PRKG1: variants seen among roughly 807,000 people sequenced by gnomAD.
PRKG1 encodes protein kinase cGMP-dependent 1.
In PRKG1, 35 loss-of-function variants were observed where a neutral mutation model predicts 88.1. The ratio of observed to expected loss-of-function variants is 0.40; its 90% CI spans 0.30 to 0.53. The LOEUF (loss-of-function observed/expected upper bound fraction) is 0.53, where lower values mean the gene tolerates loss of function less well. Ranked by LOEUF, PRKG1 falls within the 20% of genes least tolerant of loss-of-function variation. The pLI is 0.59. For missense variants in PRKG1, 540 were observed against 839.8 expected, an observed-to-expected ratio of 0.64 and a Z score of 4.41; for synonymous variants, 303 against 292.5, an observed-to-expected ratio of 1.04 and a Z score of -0.37.
chr10:51,896,060 G>A (rs1229873767), intron 4 of PRKG1, among the ~76,000 whole-genome samples: 2 of 152,076 alleles, frequency 1.3e-5, no homozygotes, highest in East Asian at 3.9e-4. Flanking sequence ...AGGACCTTGA[G>A]GAAGAGTTAA....
intron 3 of PRKG1, among the ~76,000 whole-genome samples, chr10:51,651,027 C>A (rs1304819944): frequency 6.6e-6 from 1 of 152,182 alleles, no homozygotes; most frequent in Non-Finnish European, 1.5e-5. Context: ...CAGGCTGGAG[C>A]AAGAGATGTT....
chr10:51,129,370 G>A (rs778604558), intron 1 of PRKG1, among the ~76,000 whole-genome samples: 2 of 151,944 alleles, frequency 1.3e-5, no homozygotes, highest in Non-Finnish European at 2.9e-5. Context: ...GCTTGAACCC[G>A]AGAGGCGGGG....
intron 2 of PRKG1, among the ~76,000 whole-genome samples, chr10:51,269,218 ATAT>A (rs1397920956): frequency 1.3e-5 from 2 of 152,216 alleles, no homozygotes; most frequent in African/African-American, 4.8e-5. Context: ...AAAATTAAAA[ATAT>A]TATTAAATGT....
At position 51,464,283 on chromosome 10, in the gene PRKG1, C is replaced by CA. The variant is rs533694048; in HGVS notation, c.479-3430dup. ...AGCCTGGCTGAGCGAGACTCCATCT[C>CA]AAAAAAAAAAGCAGTGCTTTTTGGA... On this transcript the variant is annotated intron_variant, in intron 2 of 17. Transcript: ENST00000373980. Among the ~76,000 whole-genome samples, 1,114 of 142,644 alleles carry CA rather than the reference C, an allele frequency of 7.8e-3. 12 individuals carry two copies. The highest frequency in any genetic ancestry group is 0.022 in the African/African-American group (851 of 39,020). 93.6% of individuals were successfully genotyped at this position (142,644 alleles called of 152,430 possible).
chr10:52,070,092 G>T (rs887470885), intron 7 of PRKG1, among the ~76,000 whole-genome samples: 4 of 151,792 alleles, frequency 2.6e-5, no homozygotes, highest in Non-Finnish European at 2.9e-5. Flanking sequence ...TTTTCTACTG[G>T]TCCCCAAATA....
intron 3 of PRKG1, among the ~76,000 whole-genome samples, chr10:51,615,903 G>A (rs1839040130): frequency 6.6e-6 from 1 of 151,868 alleles, no homozygotes; most frequent in Non-Finnish European, 1.5e-5. Flanking sequence ...TTTTCCCTGT[G>A]TTCTGACCTT....
intron 3 of PRKG1, among the ~76,000 whole-genome samples, chr10:51,646,820 T>C (rs1005903514): frequency 6.6e-6 from 1 of 152,058 alleles, no homozygotes; most frequent in Non-Finnish European, 1.5e-5. Context: ...TAATGAAAGA[T>C]GGACAAAATA....
chr10:51,879,842 T>C (rs1341722811), intron 4 of PRKG1, among the ~76,000 whole-genome samples: 2 of 152,206 alleles, frequency 1.3e-5, no homozygotes, highest in East Asian at 3.8e-4. Flanking sequence ...CCGATTGATG[T>C]TACTCAGTGG....
intron 7 of PRKG1, among the ~76,000 whole-genome samples, chr10:52,115,421 T>C (rs1375167678): frequency 1.3e-5 from 2 of 152,190 alleles, no homozygotes; most frequent in African/African-American, 2.4e-5. Flanking sequence ...CCCTAGAGCT[T>C]CAGCCATTAT....
At chr10:51,857,866 C>G (rs922948742) in intron 4 of PRKG1, among the ~76,000 whole-genome samples, 1 of 150,956 alleles carries the variant, frequency 6.6e-6, no homozygotes, top group Non-Finnish European at 1.5e-5. Context: ...GCACTGTTCC[C>G]CCACCCTGAA....
intron 9 of PRKG1, among the ~76,000 whole-genome samples, chr10:52,198,681 ACTT>A (rs924205985): frequency 6.6e-6 from 1 of 152,160 alleles, no homozygotes; most frequent in East Asian, 1.9e-4. Flanking sequence ...TCAGAAGCAC[ACTT>A]CTTCTGTAGG....
intron 1 of PRKG1, among the ~76,000 whole-genome samples, chr10:51,036,908 C>T (rs7093262): frequency 0.027 from 4,056 of 152,254 alleles, 180 homozygotes; most frequent in African/African-American, 0.089. Context: ...ATGATTGGTG[C>T]ATCCACTTCC....
intron 2 of PRKG1, among the ~76,000 whole-genome samples, chr10:51,154,400 G>T (rs1037086510): frequency 5.3e-5 from 8 of 151,806 alleles, no homozygotes; most frequent in Non-Finnish European, 1.0e-4. Flanking sequence ...AAGGGTAGCT[G>T]CCCAGAACAA....
At chr10:51,164,251 G>C (rs916732786) in intron 2 of PRKG1, among the ~76,000 whole-genome samples, 5 of 152,166 alleles carry the variant, frequency 3.3e-5, no homozygotes, top group African/African-American at 1.2e-4. Context: ...AAAATCCGCT[G>C]TTCTGCAGCC....
intron 3 of PRKG1, among the ~76,000 whole-genome samples, chr10:51,780,954 C>T (rs1208488840): frequency 6.6e-6 from 1 of 152,060 alleles, no homozygotes; most frequent in Non-Finnish European, 1.5e-5. Flanking sequence ...AAATGTTTAT[C>T]ATCCTTGGAA....
chr10:51,113,153 A>C (rs545215267), intron 1 of PRKG1, among the ~76,000 whole-genome samples: 1 of 152,328 alleles, frequency 6.6e-6, no homozygotes, highest in East Asian at 1.9e-4. Flanking sequence ...TGCTGGAAAA[A>C]GCATTTAGCT....
At chr10:51,961,984 T>C (rs1176504633) in intron 5 of PRKG1, among the ~76,000 whole-genome samples, 1 of 152,180 alleles carries the variant, frequency 6.6e-6, no homozygotes, top group Non-Finnish European at 1.5e-5. Context: ...CCATCGGACA[T>C]CATGCCCTTT....
intron 14 of PRKG1, among the ~76,000 whole-genome samples, chr10:52,285,468 G>C (rs1842097561): frequency 6.6e-6 from 1 of 152,028 alleles, no homozygotes; most frequent in Non-Finnish European, 1.5e-5. Context: ...TAGTGACTAT[G>C]GCAGAATGAA....
chr10:51,056,125 G>A (rs2132776107), intron 1 of PRKG1, among the ~76,000 whole-genome samples: 1 of 152,314 alleles, frequency 6.6e-6, no homozygotes, highest in South Asian at 2.1e-4. Context: ...GCATGAAGGG[G>A]CAGCAGTTGT....
Sources: gnomAD v4.1 joint callset for allele counts (sites outside exome capture counted in the v4.1 genomes callset) on GRCh38, gnomAD v4.1.1 for gene constraint, MANE v1.5 for transcripts, NCBI Gene and HGNC (gene_info 2026-07-23, HGNC 2026-07-21) for gene names.